Variants in UBA5 observed in about 807,000 individuals in gnomAD.
UBA5 encodes the protein ubiquitin like modifier activating enzyme 5.
In UBA5, 28 loss-of-function variants were observed where a neutral mutation model predicts 52.9. The observed-to-expected ratio is 0.53, with a 90% CI of 0.39 to 0.73. The LOEUF (loss-of-function observed/expected upper bound fraction) is 0.73. UBA5 is among the 30% of genes least tolerant of loss of function. The pLI is 0.00. For missense variants in UBA5, 388 were observed against 492.7 expected (o/e 0.79, Z 2.01); for synonymous variants, 135 against 162.1 (o/e 0.83, Z 1.27).
intron 4 of UBA5, 25 bp from the exon 5 acceptor site, chr3:132,670,172 AT>A: frequency 8.8e-7 from 1 of 1,133,436 alleles, no homozygotes; most frequent in South Asian, 1.3e-5. Context: ...TTACAGGCTT[AT>A]AATCATTCCC....
intron 1 of UBA5, chr3:132,661,122 C>A: frequency 8.1e-7 from 1 of 1,234,502 alleles, no homozygotes; most frequent in Non-Finnish European, 1.1e-6. Context: ...GCGGGGTTAG[C>A]TCTATTCTGA....
chr3:132,658,608 T>C (rs180768008), upstream of UBA5, among the ~76,000 whole-genome samples: 113 of 152,358 alleles, frequency 7.4e-4, 1 homozygote, highest in African/African-American at 2.6e-3. Flanking sequence ...GCTTCTAGCC[T>C]AGAAATCTCA....
chr3:132,678,660 A>T lies in UBA5; in HGVS notation c.*2134A>T, dbSNP rs527425219. ...CTTAAGAATATTTATTTATTTATTT[A>T]TTTTTTTGAGACAGAGTCTCACTCT... On this transcript the variant is annotated 3_prime_UTR_variant, in exon 12 of 12. Transcript: ENST00000356232. Among the ~76,000 whole-genome samples the T allele has an allele frequency of 1.5e-4, 23 of 152,038 alleles. No homozygotes were observed. Among genetic ancestry groups the T allele is most frequent in the Middle Eastern group, 3.4e-3 (1 of 292 alleles).
At chr3:132,657,849 T>C (rs977036405), upstream of UBA5, among the ~76,000 whole-genome samples, 13 of 150,034 alleles carry the variant, frequency 8.7e-5, no homozygotes, top group Non-Finnish European at 1.5e-4. Context: ...CTTTTGGTAT[T>C]AAAAAAACAC....
At chr3:132,660,015 A>C (rs958308247), upstream of UBA5, 1 of 423,778 alleles carries the variant, frequency 2.4e-6, no homozygotes. The surrounding 1 kb of genome is among the most constrained non-coding windows in gnomAD (Gnocchi z 4.1). Context: ...GGAGGCCTCA[A>C]TTTTAAAGAA....
upstream of UBA5, among the ~76,000 whole-genome samples, chr3:132,658,579 C>T (rs150601894): frequency 7.0e-4 from 106 of 152,294 alleles, 1 homozygote; most frequent in African/African-American, 2.0e-3. Context: ...TGATCTGTTT[C>T]AGTTTGTTAC....
intron 8 of UBA5, 21 bp from the exon 9 acceptor site, chr3:132,675,227 A>G (rs1305834380): frequency 5.9e-6 from 9 of 1,526,140 alleles, no homozygotes; most frequent in Non-Finnish European, 8.1e-6. Flanking sequence ...TCTTTATTTA[A>G]GTCTATTTTG....
chr3:132,661,885 A>T (rs1205488596), intron 1 of UBA5, among the ~76,000 whole-genome samples: 1 of 152,238 alleles, frequency 6.6e-6, no homozygotes, highest in East Asian at 1.9e-4. Flanking sequence ...GCACTGTTTT[A>T]ACTGTGTTGC....
Position 132,672,080 on chromosome 3 carries a change from A to G in UBA5, c.715A>G (p.Ile239Val). ...CAPPLVVAAN[I>V]DEKTLKREGV... ...TCCACCACTTGTAGTTGCTGCAAATATTGATGAAAAGACTCTGAAACGAGA... is the reference window on the plus strand; with the variant it reads ...TCCACCACTTGTAGTTGCTGCAAATGTTGATGAAAAGACTCTGAAACGAGA... The change falls in exon 8 of 12, where the codon ATT (isoleucine) becomes GTT (valine). Residue 239 changes from isoleucine to valine, a missense_variant. Physicochemically the swap from Ile to Val is conservative, Grantham distance 29. Transcript: ENST00000356232. 6.2e-7 allele frequency: 1 copy of G among 1,613,952 alleles called. No homozygotes were observed. The highest frequency in any genetic ancestry group is 1.1e-5 in the South Asian group (1 of 91,074).
intron 3 of UBA5, among the ~76,000 whole-genome samples, chr3:132,666,954 A>T (rs903693354): frequency 5.3e-5 from 8 of 152,134 alleles, no homozygotes. Flanking sequence ...ATGTTATCAC[A>T]ATTAGTTGGA....
chr3:132,659,066 G>A (rs1034673897), upstream of UBA5, among the ~76,000 whole-genome samples: 1 of 152,070 alleles, frequency 6.6e-6, no homozygotes, highest in Non-Finnish European at 1.5e-5. Flanking sequence ...GATTCCCGGT[G>A]GGGAACGCTA....
intron 5 of UBA5, chr3:132,670,761 A>G: frequency 5.5e-6 from 2 of 364,330 alleles, no homozygotes; most frequent in Non-Finnish European, 9.8e-6. Context: ...TAATACTACA[A>G]TGATACTGTA....
chr3:132,665,621 C>A (rs1205441020), intron 1 of UBA5: 11 of 549,152 alleles, frequency 2.0e-5, no homozygotes, highest in Non-Finnish European at 3.5e-5. Context: ...GTTTCATATG[C>A]TACACTTGGG....
At chr3:132,668,773 T>C in intron 3 of UBA5, 45 bp from the exon 4 acceptor site, 1 of 1,272,694 alleles carries the variant, frequency 7.9e-7, no homozygotes, top group African/African-American at 1.5e-5. Context: ...ATATGTTTAG[T>C]TTTTTGGTAT....
rs893853305 is a variant in UBA5 at position 132,660,530 on chromosome 3, TC to T, written c.-5del. 2.9e-5 allele frequency: 45 copies of T among 1,547,592 alleles called. No individual in the cohort carries two copies. In the African/African-American group the frequency reaches 6.2e-4, roughly 21 times the overall value. ...GGGCTGGGAGCGTTGGCGGCCGGAGTCCCAGCCATGGCGGAGTCTGTGGAGC... is the reference window on the plus strand; with the variant it reads ...GGGCTGGGAGCGTTGGCGGCCGGAGTCCAGCCATGGCGGAGTCTGTGGAGC... On this transcript the variant is annotated 5_prime_UTR_variant, in exon 1 of 12. Transcript: ENST00000356232. The surrounding 1 kb of genome is among the most constrained non-coding windows in gnomAD (Gnocchi z 4.1).
Position 132,660,879 on chromosome 3 carries a change from T to C in UBA5, c.161+181T>C. ...AGTACTGATCGGAAGATATTCTTTCTCTTTTTTAAAAACCTCCAGTGAGTC... is the reference window on the plus strand; with the variant it reads ...AGTACTGATCGGAAGATATTCTTTCCCTTTTTTAAAAACCTCCAGTGAGTC... On this transcript the variant is annotated intron_variant, in intron 1 of 11. Coordinates refer to ENST00000356232, the MANE Select transcript of UBA5 (RefSeq NM_024818.6). The surrounding 1 kb of genome is among the most constrained non-coding windows in gnomAD (Gnocchi z 4.1). 2 of 1,444,482 alleles carry C rather than the reference T, an allele frequency of 1.4e-6. No homozygotes were observed. The highest frequency in any genetic ancestry group is 1.8e-6 in the Non-Finnish European group (2 of 1,101,786). 89.5% of individuals were successfully genotyped at this position (1,444,482 alleles called of 1,614,324 possible).
At chr3:132,669,154 C>T (rs1476107817) in intron 4 of UBA5, among the ~76,000 whole-genome samples, 1 of 152,122 alleles carries the variant, frequency 6.6e-6, no homozygotes, top group East Asian at 1.9e-4. Flanking sequence ...CTGTTAGTTG[C>T]AGTTTGATAG....
chr3:132,660,266 G>T (rs1247320650), upstream of UBA5: 1 of 557,516 alleles, frequency 1.8e-6, no homozygotes, highest in South Asian at 2.1e-5. The surrounding 1 kb of genome is among the most constrained non-coding windows in gnomAD (Gnocchi z 4.1). Flanking sequence ...GGGTTTAGCC[G>T]GCCCAGCGAG....
chr3:132,676,935 T>TAC lies in UBA5; in HGVS notation c.*411_*412dup. 1 of 453,314 alleles carries TAC rather than the reference T, an allele frequency of 2.2e-6. No homozygotes were observed. The highest frequency in any genetic ancestry group is 1.6e-5 in the South Asian group (1 of 63,912). The allele number at this position is 453,314 out of a possible 1,614,324, so 28.1% of individuals were successfully genotyped here. ...CAGATACAGGGAGAAGGACAAGGCA[T>TAC]ACAGCTTATTGATTAGAGCTGGCAA... On this transcript the variant is annotated 3_prime_UTR_variant, in exon 12 of 12. Transcript: ENST00000356232. This position sits in a 1 kb window ranked among gnomAD's most constrained non-coding sequence, Gnocchi z 4.1.
Sources: gnomAD v4.1 joint callset for allele counts (sites outside exome capture counted in the v4.1 genomes callset) on GRCh38, gnomAD v4.1.1 for gene constraint, Gnocchi (gnomAD v3.1) non-coding constraint, MANE v1.5 for transcripts, NCBI Gene and HGNC (gene_info 2026-07-23, HGNC 2026-07-21) for gene names.